PARN: variants seen among roughly 807,000 people sequenced by gnomAD.
PARN encodes the protein poly(A)-specific ribonuclease.
Under a neutral mutation model 102.8 loss-of-function variants are expected in PARN, and 71 were observed. That is an observed-to-expected ratio of 0.69 (90% CI 0.57 to 0.84). The LOEUF is 0.84. Among genes scored for constraint, PARN ranks in the 40% least tolerant of loss-of-function variants. The probability of loss-of-function intolerance (pLI) is 0.00; values close to 1 mark genes in which losing one functional copy is unlikely to be tolerated. For synonymous variants in PARN, 261 were observed against 252.9 expected (o/e 1.03, Z -0.30); for missense variants, 782 against 760.9 (o/e 1.03, Z -0.33).
chr16:14,614,483 C>T (rs1223469248), intron 6 of PARN, among the ~76,000 whole-genome samples: 3 of 152,112 alleles, frequency 2.0e-5, no homozygotes, highest in South Asian at 2.1e-4. Flanking sequence ...CTAAGATGCA[C>T]GCTGTGCCTA....
chr16:14,628,372 C>A (rs1972807758), intron 2 of PARN, 121 bp from the exon 3 acceptor site: 1 of 621,160 alleles, frequency 1.6e-6, no homozygotes. Context: ...GAAGCACTCC[C>A]TAACTTACTT....
chr16:14,612,335 G>T (rs2151799745), intron 6 of PARN, among the ~76,000 whole-genome samples: 1 of 152,158 alleles, frequency 6.6e-6, no homozygotes. Context: ...TACTTGGGAG[G>T]CTAAGGCAGG....
rs374015947 is a variant in PARN at position 14,598,336 on chromosome 16, T to C, written c.840+1568A>G. 1.4e-4 allele frequency among the ~76,000 whole-genome samples: 21 copies of C among 152,154 alleles called. No homozygotes were observed. The South Asian group carries it at 4.4e-3, about 32-fold the overall frequency. On this transcript the variant is annotated intron_variant, in intron 12 of 23. Transcript: ENST00000437198. ...ATGAATATTCTGTAGAAGAAAGATG[T>C]CAGAGAAAAGAAAACAGGTACAGCA...
intron 12 of PARN, among the ~76,000 whole-genome samples, chr16:14,597,623 G>A (rs943554932): frequency 2.0e-5 from 3 of 151,804 alleles, no homozygotes; most frequent in Non-Finnish European, 2.9e-5. Context: ...CGTGAACCCA[G>A]GAGGCAGAGC....
chr16:14,570,994 AAAAAG>A, intron 18 of PARN, among the ~76,000 whole-genome samples: 2 of 152,190 alleles, frequency 1.3e-5, no homozygotes, highest in African/African-American at 4.8e-5. Context: ...CAAGGGAAAG[AAAAAG>A]AAAAGAATTA....
At chr16:14,542,386 G>A (rs1448096841) in intron 21 of PARN, among the ~76,000 whole-genome samples, 2 of 150,754 alleles carry the variant, frequency 1.3e-5, no homozygotes, top group Admixed American at 1.3e-4. Flanking sequence ...GAGTGGTACA[G>A]TTACAGCTCA....
chr16:14,481,724 G>A (rs1455396594), intron 22 of PARN, among the ~76,000 whole-genome samples: 2 of 152,074 alleles, frequency 1.3e-5, no homozygotes, highest in Admixed American at 6.5e-5. Flanking sequence ...TTGGGATTAT[G>A]GCTAATTTTT....
At chr16:14,590,522 C>T (rs1411406601) in intron 13 of PARN, among the ~76,000 whole-genome samples, 1 of 151,280 alleles carries the variant, frequency 6.6e-6, no homozygotes, top group Non-Finnish European at 1.5e-5. Context: ...GTAATCCCAG[C>T]TCCTCAGCAG....
chr16:14,477,016 A>T (rs748753655), intron 22 of PARN, among the ~76,000 whole-genome samples: 1 of 152,218 alleles, frequency 6.6e-6, no homozygotes, highest in Non-Finnish European at 1.5e-5. Context: ...ACATTAATTC[A>T]ATATAAATGG....
At chr16:14,446,421 T>C (rs1221821988) in intron 23 of PARN, among the ~76,000 whole-genome samples, 3 of 152,218 alleles carry the variant, frequency 2.0e-5, no homozygotes, top group Admixed American at 2.0e-4. Context: ...TAGCATGTAG[T>C]AGGCTCTCAA....
At chr16:14,537,992 G>A (rs552072164) in intron 21 of PARN, among the ~76,000 whole-genome samples, 2 of 152,234 alleles carry the variant, frequency 1.3e-5, no homozygotes, top group South Asian at 4.1e-4. Flanking sequence ...TGATGGATAT[G>A]CTAATGATTT....
At chr16:14,559,376 A>G (rs1967909776) in intron 18 of PARN, among the ~76,000 whole-genome samples, 2 of 151,990 alleles carry the variant, frequency 1.3e-5, no homozygotes, top group African/African-American at 4.8e-5. Context: ...AGTAAGCAAA[A>G]ATTTATTCTC....
At chr16:14,476,567 T>C (rs950759881) in intron 22 of PARN, among the ~76,000 whole-genome samples, 4 of 152,226 alleles carry the variant, frequency 2.6e-5, no homozygotes, top group Non-Finnish European at 2.9e-5. Flanking sequence ...CAGTGGCTCG[T>C]GCCTGTAAGC....
chr16:14,501,223 G>A (rs1313703244), intron 21 of PARN, among the ~76,000 whole-genome samples: 1 of 149,334 alleles, frequency 6.7e-6, no homozygotes, highest in Non-Finnish European at 1.5e-5. Flanking sequence ...CTGCCCAGGA[G>A]TTAGAGACCA....
At chr16:14,624,841 C>T (rs1436783854) in intron 5 of PARN, among the ~76,000 whole-genome samples, 2 of 152,068 alleles carry the variant, frequency 1.3e-5, no homozygotes, top group African/African-American at 2.4e-5. Flanking sequence ...CACCTGAGGT[C>T]GGGATTTCAA....
chr16:14,609,410 A>C (rs1051389855), intron 7 of PARN, among the ~76,000 whole-genome samples: 4 of 152,056 alleles, frequency 2.6e-5, no homozygotes, highest in Non-Finnish European at 5.9e-5. Flanking sequence ...TACAAAAAAT[A>C]AATCTTAAAA....
At chr16:14,549,001 G>C (rs1967133446) in intron 21 of PARN, among the ~76,000 whole-genome samples, 1 of 150,838 alleles carries the variant, frequency 6.6e-6, no homozygotes, top group African/African-American at 2.4e-5. Flanking sequence ...AGGGGGGAAG[G>C]TGGGGAGGGG....
intron 20 of PARN, 142 bp downstream of exon 20, chr16:14,553,923 A>G: frequency 1.6e-6 from 1 of 629,724 alleles, no homozygotes; most frequent in East Asian, 2.7e-5. Context: ...AGTATCCTAA[A>G]CCAGAAAATT....
intron 18 of PARN, among the ~76,000 whole-genome samples, chr16:14,571,868 T>G (rs1166251089): frequency 6.6e-6 from 1 of 152,202 alleles, no homozygotes; most frequent in African/African-American, 2.4e-5. Context: ...GAGCCGGGAT[T>G]CAACTGTACT....
Sources: allele counts gnomAD v4.1 joint callset (sites outside exome capture counted in the v4.1 genomes callset), GRCh38; gene constraint gnomAD v4.1.1; transcripts MANE v1.5; gene names NCBI Gene and HGNC (gene_info 2026-07-23, HGNC 2026-07-21).